The following PCDH7 variants were observed in gnomAD, a reference collection of about 807,000 sequenced individuals.
The protein encoded by PCDH7 is protocadherin 7, also known as protocadherin-7.
A neutral mutation model predicts 58.9 loss-of-function variants in PCDH7; 17 were observed. The observed-to-expected ratio is 0.29, with a 90% CI of 0.20 to 0.43. The LOEUF (loss-of-function observed/expected upper bound fraction) is 0.43, where lower values mean the gene tolerates loss of function less well. Among genes scored for constraint, PCDH7 ranks in the 20% least tolerant of loss-of-function variants. The probability of loss-of-function intolerance (pLI) is 1.00; values close to 1 mark genes in which losing one functional copy is unlikely to be tolerated. For missense variants in PCDH7, 1,274 were observed against 1,441.0 expected (o/e 0.88, Z 1.88); for synonymous variants, 664 against 616.4 (o/e 1.08, Z -1.14).
chr4:31,114,668 C>T (rs1716776052), intron 3 of PCDH7, among the ~76,000 whole-genome samples: 1 of 145,284 alleles, frequency 6.9e-6, no homozygotes, highest in Non-Finnish European at 1.5e-5. Flanking sequence ...CACACACACA[C>T]GAAGAGATGG....
chr4:31,040,755 A>C (rs1169491647), intron 3 of PCDH7, among the ~76,000 whole-genome samples: 1 of 152,162 alleles, frequency 6.6e-6, no homozygotes, highest in Middle Eastern at 3.2e-3. Flanking sequence ...TAAAAAAAAG[A>C]CTATTTTTTA....
chr4:31,039,785 TC>T (rs1358325900), intron 3 of PCDH7, among the ~76,000 whole-genome samples: 2 of 152,198 alleles, frequency 1.3e-5, no homozygotes, highest in Non-Finnish European at 2.9e-5. Context: ...GAATGAAAAC[TC>T]AGCCAAATTT....
chr4:30,924,710 G>A (rs1398556691), intron 2 of PCDH7, among the ~76,000 whole-genome samples: 1 of 151,784 alleles, frequency 6.6e-6, no homozygotes, highest in East Asian at 1.9e-4. Context: ...ATCAAGCCCT[G>A]GGTGCAATGC....
intron 1 of PCDH7, among the ~76,000 whole-genome samples, chr4:30,747,782 C>T (rs528769159): frequency 6.6e-6 from 1 of 152,328 alleles, no homozygotes; most frequent in South Asian, 2.1e-4. Flanking sequence ...AGGATGTGGA[C>T]ATCTTAGGGA....
intron 3 of PCDH7, among the ~76,000 whole-genome samples, chr4:31,050,168 A>G (rs942625534): frequency 1.3e-5 from 2 of 152,300 alleles, no homozygotes; most frequent in East Asian, 3.9e-4. Flanking sequence ...TTCAGCAAGA[A>G]GCAGACAGAG....
At chr4:30,974,246 C>CTTCCT (rs6148377) in intron 3 of PCDH7, among the ~76,000 whole-genome samples, 13,066 of 129,276 alleles carry the variant, frequency 0.1, 870 homozygotes, top group Non-Finnish European at 0.12. Flanking sequence ...TTCTTTCTTT[C>CTTCCT]TTCCTTTCCT....
intron 1 of PCDH7, among the ~76,000 whole-genome samples, chr4:30,846,204 C>A (rs563491153): frequency 6.6e-6 from 1 of 152,002 alleles, no homozygotes; most frequent in East Asian, 1.9e-4. Flanking sequence ...TGAATGTGTC[C>A]CCAAAGTTCA....
At chr4:30,907,129 G>T (rs1471958505) in intron 1 of PCDH7, among the ~76,000 whole-genome samples, 4 of 152,126 alleles carry the variant, frequency 2.6e-5, no homozygotes, top group African/African-American at 4.8e-5. Context: ...CAAGATTCAA[G>T]CTGATGACCT....
At chr4:31,017,263 G>A (rs1467219548) in intron 3 of PCDH7, among the ~76,000 whole-genome samples, 1 of 151,814 alleles carries the variant, frequency 6.6e-6, no homozygotes, top group African/African-American at 2.4e-5. Context: ...ATAATTTATG[G>A]GACTAATCCA....
At chr4:30,951,008 T>C (rs1747311528) in intron 3 of PCDH7, among the ~76,000 whole-genome samples, 1 of 152,102 alleles carries the variant, frequency 6.6e-6, no homozygotes, top group Admixed American at 6.6e-5. Flanking sequence ...TCCTCCCAGC[T>C]CCTGCAGGGG....
chr4:30,860,790 A>G (rs1278395001), intron 1 of PCDH7, among the ~76,000 whole-genome samples: 9 of 152,190 alleles, frequency 5.9e-5, no homozygotes, highest in Non-Finnish European at 1.0e-4. Flanking sequence ...TGACTCTTCT[A>G]AAGAGTATGC....
intron 3 of PCDH7, among the ~76,000 whole-genome samples, chr4:31,076,873 A>G (rs949068846): frequency 2.0e-5 from 3 of 152,176 alleles, no homozygotes; most frequent in African/African-American, 7.2e-5. Context: ...ATCTTTGCAC[A>G]CTTAGGATAA....
chr4:30,794,504 CT>C (rs1724536981), intron 1 of PCDH7, among the ~76,000 whole-genome samples: 1 of 152,118 alleles, frequency 6.6e-6, no homozygotes, highest in Non-Finnish European at 1.5e-5. Flanking sequence ...TTTGGAATTT[CT>C]TTAGAATTGT....
intron 1 of PCDH7, among the ~76,000 whole-genome samples, chr4:30,769,748 A>C (rs1721172810): frequency 6.6e-6 from 1 of 152,186 alleles, no homozygotes. Flanking sequence ...CTTTATGTTT[A>C]TCTTACATAA....
At chr4:30,862,438 T>C (rs1045247890) in intron 1 of PCDH7, among the ~76,000 whole-genome samples, 1 of 152,174 alleles carries the variant, frequency 6.6e-6, no homozygotes, top group Non-Finnish European at 1.5e-5. Context: ...ACTTGGGGAA[T>C]CCCTATTCAT....
At position 31,067,912 on chromosome 4, in the gene PCDH7, T is replaced by C. The variant is rs144440601; in HGVS notation, c.*8-74561T>C. Among the ~76,000 whole-genome samples, 1,426 of 152,084 alleles carry C rather than the reference T, an allele frequency of 9.4e-3. 17 individuals are homozygous for C. Among genetic ancestry groups the C allele is most frequent in the African/African-American group, 0.033 (1,365 of 41,528 alleles). Reference sequence around the variant, plus strand: ...CAATACCTTACATTCTGAAAGAATATTTTAAGCTTCAGATTTCATTCATAC... The same window carrying C: ...CAATACCTTACATTCTGAAAGAATACTTTAAGCTTCAGATTTCATTCATAC... On this transcript the variant is annotated intron_variant, in intron 3 of 3. Coordinates refer to the PCDH7 transcript ENST00000509759.
chr4:30,954,403 C>A (rs945350386), intron 3 of PCDH7, among the ~76,000 whole-genome samples: 5 of 151,960 alleles, frequency 3.3e-5, no homozygotes, highest in Admixed American at 3.3e-4. Flanking sequence ...AGTTCCAGTG[C>A]TGACATAAAT....
At chr4:30,965,108 T>C (rs1374340405) in intron 3 of PCDH7, among the ~76,000 whole-genome samples, 1 of 152,242 alleles carries the variant, frequency 6.6e-6, no homozygotes, top group Non-Finnish European at 1.5e-5. Flanking sequence ...TCTGTTGGTT[T>C]ATATTCTAAT....
chr4:30,994,761 T>C (rs1199908437), intron 3 of PCDH7, among the ~76,000 whole-genome samples: 1 of 152,208 alleles, frequency 6.6e-6, no homozygotes, highest in African/African-American at 2.4e-5. Flanking sequence ...TTAAAAAAGA[T>C]ACAATATTAA....
Sources: allele counts gnomAD v4.1 joint callset (sites outside exome capture counted in the v4.1 genomes callset), GRCh38; gene constraint gnomAD v4.1.1; transcripts MANE v1.5; gene names NCBI Gene and HGNC (gene_info 2026-07-23, HGNC 2026-07-21).